The following NUDT3 variants were observed in gnomAD, a reference collection of about 807,000 sequenced individuals.
NUDT3 encodes the protein diphosphoinositol polyphosphate phosphohydrolase 1.
A neutral mutation model predicts 23.6 loss-of-function variants in NUDT3; 9 were observed. That is an observed-to-expected ratio of 0.38 (90% CI 0.23 to 0.66). The LOEUF (loss-of-function observed/expected upper bound fraction) is 0.66, where lower values mean the gene tolerates loss of function less well. NUDT3 is among the 30% of genes least tolerant of loss of function. The pLI, the probability that NUDT3 is intolerant of heterozygous loss-of-function variation, is 0.52. For synonymous variants in NUDT3, 86 were observed against 82.6 expected, an observed-to-expected ratio of 1.04 and a Z score of -0.22; for missense variants, 172 against 218.5, an observed-to-expected ratio of 0.79 and a Z score of 1.34.
At chr6:34,289,238 G>T (rs1351551553) in intron 4 of NUDT3, among the ~76,000 whole-genome samples, 1 of 152,114 alleles carries the variant, frequency 6.6e-6, no homozygotes, top group Non-Finnish European at 1.5e-5. Flanking sequence ...CATACATAGG[G>T]ATCAAAGCCC....
intron 4 of NUDT3, among the ~76,000 whole-genome samples, chr6:34,289,891 A>C (rs1763392570): frequency 6.6e-6 from 1 of 152,172 alleles, no homozygotes; most frequent in Non-Finnish European, 1.5e-5. Context: ...TGAAAAAGAA[A>C]CAATCTTGAG....
Position 34,285,537 on chromosome 6 carries a change from TA to T in NUDT3, c.*3215del, listed in dbSNP as rs1763324724. 1 of 152,240 alleles carries T rather than the reference TA, an allele frequency of 6.6e-6. No individual in the cohort carries two copies. The highest frequency in any genetic ancestry group is 1.5e-5 in the Non-Finnish European group (1 of 68,040). 9.4% of individuals were successfully genotyped at this position (152,240 alleles called of 1,614,324 possible). A position where few individuals can be genotyped will look rare whatever the true frequency, so the allele number is the denominator to read the frequency against. On this transcript the variant is annotated 3_prime_UTR_variant, in exon 5 of 5. Coordinates refer to ENST00000607016, the MANE Select transcript of NUDT3 (RefSeq NM_006703.4). ...TGAGCGAGAGGCTAGGGATCTGCCC[TA>T]AACATAGGAACCTGTTTCTATCAAG...
Position 34,336,454 on chromosome 6 carries a change from A to G in NUDT3, c.210+5408T>C, listed in dbSNP as rs139627620. On this transcript the variant is annotated intron_variant, in intron 2 of 4. Coordinates refer to ENST00000607016, the MANE Select transcript of NUDT3 (RefSeq NM_006703.4). ...TTTTTTGCTGTTGAATTCTTTGTAT[A>G]TACTGAATAGTAATCCCTTGTTGAA... 2.0e-5 allele frequency among the ~76,000 whole-genome samples: 3 copies of G among 152,226 alleles called. No homozygotes were observed. In the East Asian group the frequency reaches 5.8e-4, roughly 29 times the overall value.
chr6:34,294,873 T>G (rs1265875965), intron 3 of NUDT3, among the ~76,000 whole-genome samples: 2 of 152,184 alleles, frequency 1.3e-5, no homozygotes, highest in African/African-American at 4.8e-5. Context: ...GAGATCTTCC[T>G]GTGTCAGCTT....
At chr6:34,344,132 G>T (rs1764329393) in intron 1 of NUDT3, among the ~76,000 whole-genome samples, 1 of 152,156 alleles carries the variant, frequency 6.6e-6, no homozygotes, top group African/African-American at 2.4e-5. Flanking sequence ...AAACAATTTG[G>T]TTGTTCCTCA....
At position 34,282,531 on chromosome 6, in the gene NUDT3, T is replaced by C. The variant is rs147092402; in HGVS notation, c.*6222A>G. On this transcript the variant is annotated 3_prime_UTR_variant, in exon 5 of 5. Coordinates refer to ENST00000607016, the MANE Select transcript of NUDT3 (RefSeq NM_006703.4). Reference sequence around the variant, plus strand: ...TGGAAGCTCAAGTCTAGGAGAGCTATTTTACTGCACTGTTGAGATGTTCTC... The same window carrying C: ...TGGAAGCTCAAGTCTAGGAGAGCTACTTTACTGCACTGTTGAGATGTTCTC... The C allele has an allele frequency of 2.9e-3, 447 of 152,302 alleles. 1 individual carries two copies. Among genetic ancestry groups the C allele is most frequent in the Middle Eastern group, 6.8e-3 (2 of 294 alleles). 9.4% of individuals were successfully genotyped at this position (152,302 alleles called of 1,614,324 possible).
intron 2 of NUDT3, among the ~76,000 whole-genome samples, chr6:34,338,193 G>A (rs1178827020): frequency 2.0e-5 from 3 of 152,210 alleles, no homozygotes; most frequent in Non-Finnish European, 2.9e-5. Flanking sequence ...TCAGAGTAAA[G>A]AAAAGCTCAC....
intron 2 of NUDT3, among the ~76,000 whole-genome samples, chr6:34,320,731 G>A (rs1391739840): frequency 2.6e-5 from 4 of 152,264 alleles, no homozygotes; most frequent in Non-Finnish European, 4.4e-5. Context: ...AGCTACTCAG[G>A]AGGCTGAGGT....
chr6:34,318,572 C>T (rs1763894602), intron 2 of NUDT3, among the ~76,000 whole-genome samples: 1 of 152,106 alleles, frequency 6.6e-6, no homozygotes, highest in South Asian at 2.1e-4. Flanking sequence ...ATAAAGATTT[C>T]CTATATTATT....
intron 1 of NUDT3, among the ~76,000 whole-genome samples, chr6:34,348,551 G>A (rs1349508074): frequency 6.6e-6 from 1 of 152,050 alleles, no homozygotes; most frequent in Non-Finnish European, 1.5e-5. Context: ...GCCGAGGCGG[G>A]TGGATCATGA....
chr6:34,386,906 G>C (rs1478770174), intron 1 of NUDT3, among the ~76,000 whole-genome samples: 4 of 152,156 alleles, frequency 2.6e-5, no homozygotes, highest in African/African-American at 9.7e-5. Flanking sequence ...CTTAGTCCAG[G>C]AGTTCAAGAC....
chr6:34,339,538 C>T (rs1190748633), intron 2 of NUDT3, among the ~76,000 whole-genome samples: 1 of 152,202 alleles, frequency 6.6e-6, no homozygotes, highest in South Asian at 2.1e-4. Context: ...TTCTAACAAG[C>T]TCCTGGCTGA....
At chr6:34,378,230 G>C (rs1764957739) in intron 1 of NUDT3, among the ~76,000 whole-genome samples, 1 of 152,006 alleles carries the variant, frequency 6.6e-6, no homozygotes, top group Non-Finnish European at 1.5e-5. Context: ...TTGCGCCCAG[G>C]AGGATGAGGC....
At chr6:34,324,612 G>A (rs1581866237) in intron 2 of NUDT3, among the ~76,000 whole-genome samples, 1 of 152,242 alleles carries the variant, frequency 6.6e-6, no homozygotes, top group Admixed American at 6.5e-5. Context: ...TCACTCTAAT[G>A]GTCTTAGTCA....
intron 2 of NUDT3, among the ~76,000 whole-genome samples, chr6:34,329,197 T>C (rs937437633): frequency 6.6e-6 from 1 of 152,214 alleles, no homozygotes; most frequent in African/African-American, 2.4e-5. Flanking sequence ...GTGTGTGTTG[T>C]GTATATATAT....
intron 1 of NUDT3, among the ~76,000 whole-genome samples, chr6:34,377,684 T>C (rs1003857256): frequency 5.3e-5 from 8 of 151,788 alleles, no homozygotes; most frequent in African/African-American, 1.5e-4. Flanking sequence ...AATACAAAAA[T>C]TGGCCAGGTG....
In NUDT3 at chr6:34,281,549, C is replaced by G. The variant is rs574619302; in HGVS notation, c.*7204G>C. 9.2e-4 allele frequency: 140 copies of G among 152,028 alleles called. No homozygotes were observed. The highest frequency in any genetic ancestry group is 3.2e-3 in the African/African-American group (132 of 41,544). The allele number at this position is 152,028 out of a possible 1,614,324, so 9.4% of individuals were successfully genotyped here. On this transcript the variant is annotated 3_prime_UTR_variant, in exon 5 of 5. Transcript: ENST00000607016. ...GATTATCAACCAGTTTGACAGTCTT[C>G]AGATCACAAAACAATAGAACAGACC...
At position 34,285,844 on chromosome 6, in the gene NUDT3, G is replaced by A. The variant is rs1763327523; in HGVS notation, c.*2909C>T. On this transcript the variant is annotated 3_prime_UTR_variant, in exon 5 of 5. Coordinates refer to ENST00000607016, the MANE Select transcript of NUDT3 (RefSeq NM_006703.4). ...TTCAACAATTCTGATGTTGGACAAAGCCTCTTTTTGTCAGTTAAGAAAGCG... is the reference window on the plus strand; with the variant it reads ...TTCAACAATTCTGATGTTGGACAAAACCTCTTTTTGTCAGTTAAGAAAGCG... 6.6e-6 allele frequency: 1 copy of A among 152,176 alleles called. No homozygotes were observed. The highest frequency in any genetic ancestry group is 2.4e-5 in the African/African-American group (1 of 41,438). The allele number at this position is 152,176 out of a possible 1,614,324, so 9.4% of individuals were successfully genotyped here.
At position 34,284,310 on chromosome 6, in the gene NUDT3, G is replaced by A. The variant is rs1763310355; in HGVS notation, c.*4443C>T. ...GGGTTATTTTCTGAAATGCAGATGG[G>A]ACTAGGATGAAGCTGTATTATCAAT... On this transcript the variant is annotated 3_prime_UTR_variant, in exon 5 of 5. Coordinates refer to ENST00000607016, the MANE Select transcript of NUDT3 (RefSeq NM_006703.4). 2 of 152,144 alleles carry A rather than the reference G, an allele frequency of 1.3e-5. No individual in the cohort carries two copies. Among genetic ancestry groups the A allele is most frequent in the South Asian group, 4.1e-4 (2 of 4,834 alleles). 9.4% of individuals were successfully genotyped at this position (152,144 alleles called of 1,614,324 possible).
Sources: gnomAD v4.1 joint callset for allele counts (sites outside exome capture counted in the v4.1 genomes callset) on GRCh38, gnomAD v4.1.1 for gene constraint, MANE v1.5 for transcripts, NCBI Gene and HGNC (gene_info 2026-07-23, HGNC 2026-07-21) for gene names.